Variants in MYO16 observed in about 807,000 individuals in gnomAD.
MYO16 encodes unconventional myosin-XVI.
In MYO16, 94 loss-of-function variants were observed where a neutral mutation model predicts 205.3. That is an observed-to-expected ratio of 0.46 (90% CI 0.39 to 0.54). The LOEUF (loss-of-function observed/expected upper bound fraction) is 0.54, where lower values mean the gene tolerates loss of function less well. MYO16 is among the 20% of genes least tolerant of loss of function. The probability of loss-of-function intolerance (pLI) is 0.00; values close to 1 mark genes in which losing one functional copy is unlikely to be tolerated. For synonymous variants in MYO16, 988 were observed against 954.0 expected (o/e 1.04, Z -0.66); for missense variants, 2,315 against 2,387.5 (o/e 0.97, Z 0.63).
intron 28 of MYO16, among the ~76,000 whole-genome samples, chr13:109,102,353 C>G (rs532998481): frequency 2.4e-4 from 37 of 152,156 alleles, no homozygotes; most frequent in African/African-American, 7.2e-4. Context: ...GGAATCATTA[C>G]TGAGATTTTG....
chr13:108,522,173 T>C, the MYO16 span, among the ~76,000 whole-genome samples: 3 of 152,216 alleles, frequency 2.0e-5, no homozygotes, highest in African/African-American at 7.2e-5. Flanking sequence ...CCTGCTTTGA[T>C]GTAGCCCAGA....
At chr13:108,685,444 A>C (rs1482615382) in intron 2 of MYO16, among the ~76,000 whole-genome samples, 1 of 152,154 alleles carries the variant, frequency 6.6e-6, no homozygotes, top group Non-Finnish European at 1.5e-5. Flanking sequence ...ACCTGTGTTA[A>C]ATTGAATGGA....
the MYO16 span, among the ~76,000 whole-genome samples, chr13:108,529,881 T>C: frequency 4.6e-5 from 7 of 152,192 alleles, no homozygotes; most frequent in African/African-American, 9.6e-5. Flanking sequence ...GCCACTGCGA[T>C]TGCCTTTGAT....
At chr13:109,073,300 A>G (rs1887985502) in intron 27 of MYO16, among the ~76,000 whole-genome samples, 1 of 151,056 alleles carries the variant, frequency 6.6e-6, no homozygotes, top group Non-Finnish European at 1.5e-5. Flanking sequence ...TTTAGTAGAG[A>G]CAGAGTTTCA....
intron 33 of MYO16, chr13:109,166,492 G>A (rs1186931053): frequency 6.6e-6 from 1 of 152,252 alleles, no homozygotes; most frequent in Non-Finnish European, 1.5e-5. Context: ...CAATGAGGAG[G>A]ATGATTGAAG....
upstream of MYO16, among the ~76,000 whole-genome samples, chr13:108,591,736 G>A (rs1449053237): frequency 1.3e-5 from 2 of 152,086 alleles, no homozygotes; most frequent in Non-Finnish European, 2.9e-5. Context: ...TTTTCACTGT[G>A]AAAATGACCT....
Position 109,091,741 on chromosome 13 carries a change from C to G in MYO16, c.3336-9044C>G, listed in dbSNP as rs987488081. On this transcript the variant is annotated intron_variant, in intron 27 of 34. Coordinates refer to ENST00000457511, the MANE Select transcript of MYO16 (RefSeq NM_001198950.3). ...TCTCTGCCAATCCTCCAATAGGTAA[C>G]TCCTACGATATTCCATTTTTCTCCT... Among the ~76,000 whole-genome samples the G allele has an allele frequency of 2.0e-5, 3 of 152,302 alleles. No homozygotes were observed. The South Asian group carries it at 6.2e-4, about 32-fold the overall frequency.
chr13:108,807,713 A>G (rs987883441), intron 7 of MYO16, among the ~76,000 whole-genome samples: 1 of 152,100 alleles, frequency 6.6e-6, no homozygotes, highest in Non-Finnish European at 1.5e-5. Flanking sequence ...TGTCTCCTCC[A>G]CCAGTTCTTT....
chr13:108,795,459 T>C (rs751270222), intron 6 of MYO16, among the ~76,000 whole-genome samples: 20 of 152,104 alleles, frequency 1.3e-4, no homozygotes, highest in Non-Finnish European at 2.1e-4. Flanking sequence ...CCGCCCGCCT[T>C]GGCCTCCCAA....
At position 109,039,850 on chromosome 13, in the gene MYO16, A is replaced by G. The variant is rs575602817; in HGVS notation, c.2797-7066A>G. 2.6e-5 allele frequency among the ~76,000 whole-genome samples: 4 copies of G among 152,298 alleles called. No homozygotes were observed. The East Asian group carries it at 5.8e-4, about 22-fold the overall frequency. On this transcript the variant is annotated intron_variant, in intron 23 of 34. Coordinates refer to ENST00000457511, the MANE Select transcript of MYO16 (RefSeq NM_001198950.3). ...ACCGATGACAAAAAAGCAGAAATCAATGGAATTAGAAAAAAAGGAGAAAAT... is the reference window on the plus strand; with the variant it reads ...ACCGATGACAAAAAAGCAGAAATCAGTGGAATTAGAAAAAAAGGAGAAAAT...
chr13:109,098,655 C>T lies in MYO16; in HGVS notation c.3336-2130C>T, dbSNP rs111570732. On this transcript the variant is annotated intron_variant, in intron 27 of 34. Transcript: ENST00000457511. The stretch of plus-strand genomic sequence containing the variant: ...GCATACTTCTCAGATGTAATGGTTT[C>T]GCTGGGATTCAGAAAGCTGTAGTGG... 4.3e-3 allele frequency among the ~76,000 whole-genome samples: 659 copies of T among 152,194 alleles called. 5 individuals carry two copies. Among genetic ancestry groups the T allele is most frequent in the African/African-American group, 0.014 (602 of 41,522 alleles).
chr13:109,017,607 C>T (rs912257964), intron 22 of MYO16, among the ~76,000 whole-genome samples: 9 of 152,178 alleles, frequency 5.9e-5, no homozygotes, highest in East Asian at 1.9e-4. Context: ...ACCAATCAAA[C>T]GTAGATTTGG....
chr13:109,024,215 A>T (rs1257101452), intron 23 of MYO16, among the ~76,000 whole-genome samples: 3 of 151,570 alleles, frequency 2.0e-5, no homozygotes, highest in African/African-American at 4.8e-5. Context: ...TCAATTTTTC[A>T]GGCTATATTT....
chr13:108,516,978 T>C, the MYO16 span, among the ~76,000 whole-genome samples: 1 of 152,176 alleles, frequency 6.6e-6, no homozygotes, highest in Admixed American at 6.5e-5. Context: ...TTTCCCAGGC[T>C]GTAGTGCAGC....
intron 23 of MYO16, among the ~76,000 whole-genome samples, chr13:109,024,973 A>G (rs1225482515): frequency 6.6e-6 from 1 of 152,190 alleles, no homozygotes; most frequent in East Asian, 1.9e-4. Flanking sequence ...AACTGATTTG[A>G]AATCAACATG....
At chr13:109,117,124 A>C (rs1594099815) in intron 28 of MYO16, among the ~76,000 whole-genome samples, 1 of 141,752 alleles carries the variant, frequency 7.1e-6, no homozygotes, top group Non-Finnish European at 1.5e-5. Context: ...ACCTTCTGTG[A>C]CTTATTCTGG....
chr13:108,953,977 T>C (rs1193023913), intron 16 of MYO16, among the ~76,000 whole-genome samples: 1 of 152,206 alleles, frequency 6.6e-6, no homozygotes, highest in African/African-American at 2.4e-5. Flanking sequence ...GATTGTCTGT[T>C]TTGAATTGGT....
intron 22 of MYO16, among the ~76,000 whole-genome samples, chr13:109,011,583 C>T (rs761744486): frequency 4.1e-5 from 6 of 147,010 alleles, no homozygotes; most frequent in East Asian, 2.0e-4. Flanking sequence ...GGCGCGATCT[C>T]GGCTCACTGC....
intron 4 of MYO16, among the ~76,000 whole-genome samples, chr13:108,771,823 T>C (rs1027444592): frequency 3.9e-5 from 6 of 152,248 alleles, no homozygotes; most frequent in Non-Finnish European, 8.8e-5. Context: ...TTTCATGGCT[T>C]CATAGCTCAT....
Sources: allele counts gnomAD v4.1 joint callset (sites outside exome capture counted in the v4.1 genomes callset), GRCh38; gene constraint gnomAD v4.1.1; transcripts MANE v1.5; gene names NCBI Gene and HGNC (gene_info 2026-07-23, HGNC 2026-07-21).